The following CHURC1 variants were observed in gnomAD, a reference collection of about 807,000 sequenced individuals.
The protein encoded by CHURC1 is protein Churchill.
CHURC1 carries 12 observed loss-of-function variants against 15.4 expected under a neutral mutation model. The observed-to-expected ratio is 0.78, with a 90% CI of 0.50 to 1.27. The LOEUF is 1.27. Among genes scored for constraint, CHURC1 ranks in the 50% most tolerant of loss-of-function variants. The pLI is 0.00. For synonymous variants in CHURC1, 42 were observed against 47.5 expected (o/e 0.88, Z 0.48); for missense variants, 132 against 137.8 (o/e 0.96, Z 0.21).
chr14:64,915,924 G>A (rs1289869113), intron 1 of CHURC1, among the ~76,000 whole-genome samples: 1 of 152,134 alleles, frequency 6.6e-6, no homozygotes, highest in Admixed American at 6.5e-5. Flanking sequence ...AGTGATTTTT[G>A]GCTCTTAGGA....
intron 1 of CHURC1, among the ~76,000 whole-genome samples, chr14:64,923,130 C>A (rs1257969160): frequency 6.6e-6 from 1 of 151,940 alleles, no homozygotes; most frequent in East Asian, 1.9e-4. Flanking sequence ...TAATTATTAG[C>A]CTTTAGCAAA....
intron 2 of CHURC1, chr14:64,924,360 TTTTG>T (rs1884535886): frequency 8.6e-6 from 3 of 348,282 alleles, no homozygotes; most frequent in African/African-American, 2.1e-5. Context: ...ACTGAATTTT[TTTTG>T]TTTATCAAAT....
intron 2 of CHURC1, among the ~76,000 whole-genome samples, chr14:64,925,648 G>A (rs1308682838): frequency 1.4e-5 from 2 of 139,414 alleles, no homozygotes; most frequent in South Asian, 2.4e-4. Context: ...AGTGAGGCAT[G>A]TTTGTGTCAC....
chr14:64,929,798 A>G (rs2139914948), intron 3 of CHURC1, among the ~76,000 whole-genome samples: 1 of 152,310 alleles, frequency 6.6e-6, no homozygotes, highest in South Asian at 2.1e-4. Context: ...AACAACCATA[A>G]TGCCATTATT....
At chr14:64,920,946 G>C (rs1028493129) in intron 1 of CHURC1, among the ~76,000 whole-genome samples, 13 of 152,134 alleles carry the variant, frequency 8.5e-5, no homozygotes, top group Non-Finnish European at 1.8e-4. Context: ...TAAACTACCT[G>C]ATTTAAAGAC....
At chr14:64,927,466 A>G (rs1884788355) in intron 3 of CHURC1, among the ~76,000 whole-genome samples, 1 of 152,180 alleles carries the variant, frequency 6.6e-6, no homozygotes, top group Non-Finnish European at 1.5e-5. Context: ...AGTTATGTAC[A>G]GCTCCTGAAC....
In CHURC1 at chr14:64,926,093, A is replaced by C; in HGVS notation, c.246+13A>C. 6.5e-7 allele frequency: 1 copy of C among 1,548,630 alleles called. No individual in the cohort carries two copies. Among genetic ancestry groups the C allele is most frequent in the Non-Finnish European group, 8.8e-7 (1 of 1,135,558 alleles). ...GGATGAATTTCAGGTAAATATAAAT[A>C]TGGGTATAAATATAAATATGGGGAG... is the stretch of plus-strand genomic sequence containing the variant. On this transcript the variant is annotated intron_variant, in intron 3 of 3. Coordinates refer to ENST00000549115, the MANE Select transcript of CHURC1 (RefSeq NM_001386928.1).
chr14:64,928,658 A>G (rs1345542863), intron 3 of CHURC1, among the ~76,000 whole-genome samples: 1 of 150,698 alleles, frequency 6.6e-6, no homozygotes. Flanking sequence ...TACGTTTCCT[A>G]TAATCTAACC....
In CHURC1 at chr14:64,924,279, C is replaced by T. The variant is rs1054363571; in HGVS notation, c.175+153C>T. 10 of 833,030 alleles carry T rather than the reference C, an allele frequency of 1.2e-5. No individual in the cohort carries two copies. The African/African-American group carries it at 1.2e-4, about 10-fold the overall frequency. The allele number at this position is 833,030 out of a possible 1,614,324, so 51.6% of individuals were successfully genotyped here. A position where few individuals can be genotyped will look rare whatever the true frequency, so the allele number is the denominator to read the frequency against. ...TTTAAGAGGAAAATGTCATTAACACCTCATTTATCTGGGATATCAAATAGT... is the reference window on the plus strand; with the variant it reads ...TTTAAGAGGAAAATGTCATTAACACTTCATTTATCTGGGATATCAAATAGT... On this transcript the variant is annotated intron_variant, in intron 2 of 3. Transcript: ENST00000549115.
rs753522829 is a variant in CHURC1 at position 64,914,516 on chromosome 14, G to A, written c.21G>A (p.Glu7=). Reference sequence around the variant, plus strand: ...TCGCGATGTGTGGCGACTGTGTGGAGAAGGAATATCCCAACCGGGTGAGCG... The same window carrying A: ...TCGCGATGTGTGGCGACTGTGTGGAAAAGGAATATCCCAACCGGGTGAGCG... MCGDCV[E]KEYPNRGNTC... The change falls in exon 1 of 4, where the codon GAG becomes GAA. Residue 7 remains glutamate (E), a synonymous_variant. Coordinates refer to ENST00000549115, the MANE Select transcript of CHURC1 (RefSeq NM_001386928.1). 3 of 1,614,160 alleles carry A rather than the reference G, an allele frequency of 1.9e-6. No individual in the cohort carries two copies. Among genetic ancestry groups the A allele is most frequent in the Admixed American group, 1.7e-5 (1 of 60,016 alleles).
At chr14:64,928,057 T>G (rs979467428) in intron 3 of CHURC1, among the ~76,000 whole-genome samples, 2 of 152,134 alleles carry the variant, frequency 1.3e-5, no homozygotes, top group Non-Finnish European at 2.9e-5. Context: ...CTCTTTCATA[T>G]GTACACCATA....
chr14:64,916,358 T>C (rs1046667686), intron 1 of CHURC1, among the ~76,000 whole-genome samples: 3 of 152,176 alleles, frequency 2.0e-5, no homozygotes, highest in African/African-American at 7.2e-5. Flanking sequence ...GCAAGCAGTG[T>C]TTTATTTCTT....
intron 1 of CHURC1, among the ~76,000 whole-genome samples, chr14:64,922,393 A>G (rs71420484): frequency 3.0e-3 from 459 of 152,124 alleles, no homozygotes; most frequent in Non-Finnish European, 4.8e-3. Flanking sequence ...CCTGGCTAGC[A>G]TAGTGAAACC....
intron 1 of CHURC1, among the ~76,000 whole-genome samples, chr14:64,918,042 G>GA (rs934846524): frequency 6.6e-6 from 1 of 152,002 alleles, no homozygotes; most frequent in Admixed American, 6.5e-5. Flanking sequence ...GTTCTCTGAG[G>GA]AAAAAAATGT....
chr14:64,928,967 C>T (rs952645203), intron 3 of CHURC1, among the ~76,000 whole-genome samples: 1 of 152,096 alleles, frequency 6.6e-6, no homozygotes, highest in Admixed American at 6.5e-5. Flanking sequence ...TTTCTCATTT[C>T]CTTCTCTAGC....
At chr14:64,924,385 G>A (rs745999644) in intron 2 of CHURC1, 5 of 247,470 alleles carry the variant, frequency 2.0e-5, no homozygotes, top group Admixed American at 1.7e-4. Context: ...TATTTTTCAC[G>A]GACATATTTT....
In CHURC1 at chr14:64,921,259, G is replaced by T. The variant is rs548778112; in HGVS notation, c.40-2732G>T. On this transcript the variant is annotated intron_variant, in intron 1 of 3. Coordinates refer to ENST00000549115, the MANE Select transcript of CHURC1 (RefSeq NM_001386928.1). The stretch of plus-strand genomic sequence containing the variant: ...AGCTATAAAACTTCTAGAAAAAAAT[G>T]TAAGAAACTTTGTGCAACCCTGGGG... Among the ~76,000 whole-genome samples the T allele has an allele frequency of 3.9e-5, 6 of 152,198 alleles. No homozygotes were observed. The East Asian group carries it at 1.2e-3, about 29-fold the overall frequency.
intron 1 of CHURC1, 23 bp downstream of exon 1, chr14:64,914,557 G>A: frequency 6.2e-7 from 1 of 1,614,020 alleles, no homozygotes; most frequent in East Asian, 2.2e-5. Flanking sequence ...GCGCTCCCTT[G>A]GCCCGCGGGC....
Position 64,934,118 on chromosome 14 carries a change from G to A in CHURC1, c.*1888G>A, listed in dbSNP as rs545628976. The A allele has an allele frequency of 1.5e-5, 13 of 879,312 alleles. No homozygotes were observed. The South Asian group carries it at 1.6e-4, about 11-fold the overall frequency. The allele number at this position is 879,312 out of a possible 1,614,324, so 54.5% of individuals were successfully genotyped here. A position where few individuals can be genotyped will look rare whatever the true frequency, so the allele number is the denominator to read the frequency against. ...AGCACTTTGGGAGGCCAAAGCAGGC[G>A]GATCACCTGAGGTCAGGAGTTTGAG... On this transcript the variant is annotated 3_prime_UTR_variant, in exon 4 of 4. Coordinates refer to ENST00000549115, the MANE Select transcript of CHURC1 (RefSeq NM_001386928.1).
Sources: gnomAD v4.1 joint callset for allele counts (sites outside exome capture counted in the v4.1 genomes callset) on GRCh38, gnomAD v4.1.1 for gene constraint, MANE v1.5 for transcripts, NCBI Gene and HGNC (gene_info 2026-07-23, HGNC 2026-07-21) for gene names.